PRMT6: variants seen among roughly 807,000 people sequenced by gnomAD.
PRMT6 encodes the protein protein arginine N-methyltransferase 6.
In PRMT6, 23 loss-of-function variants were observed where a neutral mutation model predicts 30.5. That is an observed-to-expected ratio of 0.75 (90% confidence interval 0.54 to 1.07). The LOEUF (loss-of-function observed/expected upper bound fraction) is 1.07, where lower values mean the gene tolerates loss of function less well. Ranked by LOEUF, PRMT6 falls within the 50% of genes least tolerant of loss-of-function variation. The pLI is 0.00. For synonymous variants in PRMT6, 265 were observed against 228.0 expected, an observed-to-expected ratio of 1.16 and a Z score of -1.46; for missense variants, 528 against 514.3, an observed-to-expected ratio of 1.03 and a Z score of -0.26.
Position 107,057,974 on chromosome 1 carries a change from T to C in PRMT6, c.*131T>C, listed in dbSNP as rs1651771026. 1 of 1,220,424 alleles carries C rather than the reference T, an allele frequency of 8.2e-7. No homozygotes were observed. Among genetic ancestry groups the C allele is most frequent in the Non-Finnish European group, 1.2e-6 (1 of 856,222 alleles). The allele number at this position is 1,220,424 out of a possible 1,614,324, so 75.6% of individuals were successfully genotyped here. On this transcript the variant is annotated 3_prime_UTR_variant, in exon 1 of 1. Coordinates refer to ENST00000370078, the MANE Select transcript of PRMT6 (RefSeq NM_018137.3). ...TATCTCCCCCTTTTCCCTCATAGCC[T>C]CTAGGGAGGGAGAGTGACTTCATTC... is the stretch of plus-strand genomic sequence containing the variant.
chr1:107,057,480 G>A lies in PRMT6; in HGVS notation c.765G>A (p.Gln255=), dbSNP rs763384703. 5.6e-6 allele frequency: 9 copies of A among 1,613,178 alleles called. No homozygotes were observed. Among genetic ancestry groups the A allele is most frequent in the Non-Finnish European group, 7.6e-6 (9 of 1,179,688 alleles). The change falls in exon 1 of 1, where the codon CAG becomes CAA. Residue 255 remains glutamine, a synonymous_variant. Transcript: ENST00000370078. ...TGGCCCGGCCGCAGCGCTTTGCTCAGCTAGAGCTCTCCCGCGCCGGCTTGG... is the reference window on the plus strand; with the variant it reads ...TGGCCCGGCCGCAGCGCTTTGCTCAACTAGAGCTCTCCCGCGCCGGCTTGG... ...DVLARPQRFA[Q]LELSRAGLEQ...
At position 107,057,443 on chromosome 1, in the gene PRMT6, G is replaced by T. The variant is rs367705333; in HGVS notation, c.728G>T (p.Gly243Val). 15 of 1,613,250 alleles carry T rather than the reference G, an allele frequency of 9.3e-6. No homozygotes were observed. Among genetic ancestry groups the T allele is most frequent in the African/African-American group, 2.7e-5 (2 of 74,942 alleles). Residue 243 changes from glycine to valine, a missense_variant, in exon 1 of 1, where the codon GGC becomes GTC. Gly to Val is a moderately radical substitution (Grantham distance 109). Coordinates refer to ENST00000370078, the MANE Select transcript of PRMT6 (RefSeq NM_018137.3). ...HSEIVVQGLS[G>V]EDVLARPQRF... ...GAGATCGTTGTGCAGGGATTGTCCG[G>T]CGAGGACGTGCTGGCCCGGCCGCAG...
chr1:107,057,971 G>T lies in PRMT6; in HGVS notation c.*128G>T. ...GAATATCTCCCCCTTTTCCCTCATAGCCTCTAGGGAGGGAGAGTGACTTCA... is the reference window on the plus strand; with the variant it reads ...GAATATCTCCCCCTTTTCCCTCATATCCTCTAGGGAGGGAGAGTGACTTCA... On this transcript the variant is annotated 3_prime_UTR_variant, in exon 1 of 1. Transcript: ENST00000370078. The T allele has an allele frequency of 7.9e-7, 1 of 1,263,398 alleles. No homozygotes were observed. The highest frequency in any genetic ancestry group is 1.1e-6 in the Non-Finnish European group (1 of 893,340). 78.3% of individuals were successfully genotyped at this position (1,263,398 alleles called of 1,614,324 possible).
rs1651771450 is a variant in PRMT6, at chr1:107,057,991, A to C, written c.*148A>C. 8 of 1,044,588 alleles carry C rather than the reference A, an allele frequency of 7.7e-6. No individual in the cohort carries two copies. The highest frequency in any genetic ancestry group is 4.8e-5 in the Admixed American group (2 of 41,344). 64.7% of individuals were successfully genotyped at this position (1,044,588 alleles called of 1,614,324 possible). A position where few individuals can be genotyped will look rare whatever the true frequency, so the allele number is the denominator to read the frequency against. ...TCATAGCCTCTAGGGAGGGAGAGTG[A>C]CTTCATTCTCCATTTGAAGAGATTC... On this transcript the variant is annotated 3_prime_UTR_variant, in exon 1 of 1. Coordinates refer to ENST00000370078, the MANE Select transcript of PRMT6 (RefSeq NM_018137.3).
In PRMT6 at chr1:107,057,299, C is replaced by T; in HGVS notation, c.584C>T (p.Pro195Leu). The change falls in exon 1 of 1, where the codon CCC becomes CTC. Residue 195 changes from proline to leucine, a missense_variant. By Grantham distance (98) the Pro-to-Leu change is moderately conservative (BLOSUM62 -3). Coordinates refer to ENST00000370078, the MANE Select transcript of PRMT6 (RefSeq NM_018137.3). Reference sequence around the variant, plus strand: ...GCCTCCGCCGAGCTCTTCATAGCCCCCATCAGCGACCAGATGCTGGAATGG... The same window carrying T: ...GCCTCCGCCGAGCTCTTCATAGCCCTCATCAGCGACCAGATGCTGGAATGG... The part of the protein sequence containing the change: ...LPASAELFIA[P>L]ISDQMLEWRL... 6.2e-7 allele frequency: 1 copy of T among 1,614,058 alleles called. No homozygotes were observed. The highest frequency in any genetic ancestry group is 8.5e-7 in the Non-Finnish European group (1 of 1,180,046).
chr1:107,056,724 G>A lies in PRMT6; in HGVS notation c.9G>A (p.Gln3=). 1.3e-6 allele frequency: 2 copies of A among 1,522,032 alleles called. No homozygotes were observed. The highest frequency in any genetic ancestry group is 1.8e-6 in the Non-Finnish European group (2 of 1,132,548). The allele number at this position is 1,522,032 out of a possible 1,614,324, so 94.3% of individuals were successfully genotyped here. A position where few individuals can be genotyped will look rare whatever the true frequency, so the allele number is the denominator to read the frequency against. Residue 3 remains glutamine (Q), a synonymous_variant, in exon 1 of 1, where the codon CAG becomes CAA. Transcript: ENST00000370078. The part of the protein sequence containing the change: MS[Q]PKKRKLESGG... ...CGGGCAGAGCGGCCAAGATGTCGCA[G>A]CCCAAGAAAAGAAAGCTTGAGTCGG... is the stretch of plus-strand genomic sequence containing the variant.
In PRMT6 at chr1:107,057,475, G is replaced by A. The variant is rs1557731508; in HGVS notation, c.760G>A (p.Ala254Thr). The change falls in exon 1 of 1, where the codon GCT becomes ACT. Residue 254 changes from alanine to threonine, a missense_variant. Coordinates refer to ENST00000370078, the MANE Select transcript of PRMT6 (RefSeq NM_018137.3). The part of the protein sequence containing the change: ...EDVLARPQRF[A>T]QLELSRAGLE... ...CGTGCTGGCCCGGCCGCAGCGCTTT[G>A]CTCAGCTAGAGCTCTCCCGCGCCGG... 1 of 1,612,804 alleles carries A rather than the reference G, an allele frequency of 6.2e-7. No individual in the cohort carries two copies. Among genetic ancestry groups the A allele is most frequent in the Non-Finnish European group, 8.5e-7 (1 of 1,179,408 alleles).
Position 107,057,117 on chromosome 1 carries a change from C to A in PRMT6, c.402C>A (p.His134Gln). ...VRFNGLEDRV[H>Q]VLPGPVETVE... ...TCAACGGGCTGGAGGACCGGGTGCA[C>A]GTCCTGCCGGGACCAGTGGAGACTG... Residue 134 changes from histidine to glutamine, a missense_variant, in exon 1 of 1, where the codon CAC (histidine) becomes CAA (glutamine). His to Gln is a conservative substitution (Grantham distance 24, BLOSUM62 0). Transcript: ENST00000370078. 1 of 1,607,150 alleles carries A rather than the reference C, an allele frequency of 6.2e-7. No homozygotes were observed. The highest frequency in any genetic ancestry group is 2.2e-5 in the East Asian group (1 of 44,864).
chr1:107,056,770 G>C lies in PRMT6; in HGVS notation c.55G>C (p.Glu19Gln). ...GTCGGGGGGCGGCGGCGAAGGAGGG[G>C]AGGGAACTGAAGAGGAAGATGGCGC... ...LESGGGGEGG[E>Q]GTEEEDGAER... Residue 19 changes from glutamate (E) to glutamine (Q), a missense_variant, in exon 1 of 1, where the codon GAG (glutamate) becomes CAG (glutamine). Physicochemically the swap from Glu to Gln is conservative, Grantham distance 29 (BLOSUM62 2). Coordinates refer to ENST00000370078, the MANE Select transcript of PRMT6 (RefSeq NM_018137.3). The C allele has an allele frequency of 1.9e-6, 3 of 1,555,586 alleles. No individual in the cohort carries two copies. The highest frequency in any genetic ancestry group is 2.6e-6 in the Non-Finnish European group (3 of 1,149,736).
Position 107,056,770 on chromosome 1 carries a change from G to A in PRMT6, c.55G>A (p.Glu19Lys), listed in dbSNP as rs757185583. 7.1e-6 allele frequency: 11 copies of A among 1,555,468 alleles called. No individual in the cohort carries two copies. The South Asian group carries it at 1.2e-4, about 17-fold the overall frequency. Reference sequence around the variant, plus strand: ...GTCGGGGGGCGGCGGCGAAGGAGGGGAGGGAACTGAAGAGGAAGATGGCGC... The same window carrying A: ...GTCGGGGGGCGGCGGCGAAGGAGGGAAGGGAACTGAAGAGGAAGATGGCGC... ...LESGGGGEGG[E>K]GTEEEDGAER... Residue 19 changes from glutamate (E) to lysine (K), a missense_variant, in exon 1 of 1, where the codon GAG becomes AAG. Glu to Lys is a moderately conservative substitution (Grantham distance 56). Transcript: ENST00000370078.
At position 107,056,678 on chromosome 1, in the gene PRMT6, C is replaced by G. The variant is rs968712476; in HGVS notation, c.-38C>G. 7 of 1,460,218 alleles carry G rather than the reference C, an allele frequency of 4.8e-6. No homozygotes were observed. The highest frequency in any genetic ancestry group is 2.7e-5 in the Admixed American group (1 of 36,806). The allele number at this position is 1,460,218 out of a possible 1,614,324, so 90.5% of individuals were successfully genotyped here. ...CCGTTTCCTGGAGCCCGCGCCGTGC[C>G]GCGCTACGCCCGCCGGGAGCCGGGC... On this transcript the variant is annotated 5_prime_UTR_variant, in exon 1 of 1. Coordinates refer to ENST00000370078, the MANE Select transcript of PRMT6 (RefSeq NM_018137.3).
At position 107,057,682 on chromosome 1, in the gene PRMT6, C is replaced by G; in HGVS notation, c.967C>G (p.Leu323Val). The G allele has an allele frequency of 6.2e-7, 1 of 1,614,270 alleles. No homozygotes were observed. Among genetic ancestry groups the G allele is most frequent in the Non-Finnish European group, 8.5e-7 (1 of 1,180,052 alleles). Reference sequence around the variant, plus strand: ...GGCCACTCACTGGAAACAGGCGCTCCTCTACCTGAACGAGCCGGTGCAAGT... The same window carrying G: ...GGCCACTCACTGGAAACAGGCGCTCGTCTACCTGAACGAGCCGGTGCAAGT... ...HPATHWKQAL[L>V]YLNEPVQVEQ... Residue 323 changes from leucine to valine, a missense_variant, in exon 1 of 1, where the codon CTC becomes GTC. Coordinates refer to ENST00000370078, the MANE Select transcript of PRMT6 (RefSeq NM_018137.3).
Position 107,057,959 on chromosome 1 carries a change from T to C in PRMT6, c.*116T>C. On this transcript the variant is annotated 3_prime_UTR_variant, in exon 1 of 1. Transcript: ENST00000370078. ...TGCAAGTAGGGGGAATATCTCCCCC[T>C]TTTCCCTCATAGCCTCTAGGGAGGG... 2.2e-6 allele frequency: 3 copies of C among 1,346,672 alleles called. No individual in the cohort carries two copies. The highest frequency in any genetic ancestry group is 1.3e-5 in the South Asian group (1 of 77,900). 83.4% of individuals were successfully genotyped at this position (1,346,672 alleles called of 1,614,324 possible).
In PRMT6 at chr1:107,057,532, G is replaced by A. The variant is rs1191122971; in HGVS notation, c.817G>A (p.Gly273Arg). Reference sequence around the variant, plus strand: ...GCAGGAGCTGGAGGCCGGAGTGGGCGGGCGCTTCCGCTGCAGCTGCTATGG... The same window carrying A: ...GCAGGAGCTGGAGGCCGGAGTGGGCAGGCGCTTCCGCTGCAGCTGCTATGG... The part of the protein sequence containing the change: ...LEQELEAGVG[G>R]RFRCSCYGSA... The change falls in exon 1 of 1, where the codon GGG (glycine) becomes AGG (arginine). Residue 273 changes from glycine to arginine, a missense_variant. Physicochemically the swap from Gly to Arg is moderately radical, Grantham distance 125. Transcript: ENST00000370078. 6.2e-7 allele frequency: 1 copy of A among 1,613,524 alleles called. No individual in the cohort carries two copies. The highest frequency in any genetic ancestry group is 8.5e-7 in the Non-Finnish European group (1 of 1,179,864).
In PRMT6 at chr1:107,057,126, G is replaced by A. The variant is rs531778837; in HGVS notation, c.411G>A (p.Pro137=). ...TGGAGGACCGGGTGCACGTCCTGCC[G>A]GGACCAGTGGAGACTGTAGAGTTGC... ...NGLEDRVHVL[P]GPVETVELPE... Residue 137 remains proline (P), a synonymous_variant, in exon 1 of 1, where the codon CCG becomes CCA. Coordinates refer to ENST00000370078, the MANE Select transcript of PRMT6 (RefSeq NM_018137.3). 4.4e-6 allele frequency: 7 copies of A among 1,607,238 alleles called. No homozygotes were observed. The Admixed American group carries it at 8.3e-5, about 19-fold the overall frequency.
chr1:107,057,731 G>A lies in PRMT6; in HGVS notation c.1016G>A (p.Gly339Glu). The A allele has an allele frequency of 6.2e-7, 1 of 1,614,238 alleles. No homozygotes were observed. Among genetic ancestry groups the A allele is most frequent in the Non-Finnish European group, 8.5e-7 (1 of 1,180,032 alleles). Residue 339 changes from glycine to glutamate, a missense_variant, in exon 1 of 1, where the codon GGA (glycine) becomes GAA (glutamate). Transcript: ENST00000370078. ...GTGGAGCAAGACACGGACGTTTCAG[G>A]AGAGATCACGCTGCTGCCCTCCCGG... Reference protein sequence around the residue: ...VQVEQDTDVSGEITLLPSRDN... With the variant: ...VQVEQDTDVSEEITLLPSRDN...
chr1:107,057,196 C>T lies in PRMT6; in HGVS notation c.481C>T (p.Leu161Phe). ...CGTGAGCGAGTGGATGGGCTACGGA[C>T]TCCTGCACGAGTCCATGCTGAGCTC... ...AIVSEWMGYG[L>F]LHESMLSSVL... The change falls in exon 1 of 1, where the codon CTC becomes TTC. Residue 161 changes from leucine to phenylalanine, a missense_variant. By Grantham distance (22) the Leu-to-Phe change is conservative. Transcript: ENST00000370078. The T allele has an allele frequency of 6.2e-7, 1 of 1,612,608 alleles. No individual in the cohort carries two copies.
chr1:107,057,161 T>C lies in PRMT6; in HGVS notation c.446T>C (p.Val149Ala). 6.2e-7 allele frequency: 1 copy of C among 1,608,884 alleles called. No individual in the cohort carries two copies. The highest frequency in any genetic ancestry group is 8.5e-7 in the Non-Finnish European group (1 of 1,179,952). Residue 149 changes from valine (V) to alanine (A), a missense_variant, in exon 1 of 1, where the codon GTG (valine) becomes GCG (alanine). Transcript: ENST00000370078. The stretch of plus-strand genomic sequence containing the variant: ...GAGACTGTAGAGTTGCCGGAACAGG[T>C]GGATGCCATCGTGAGCGAGTGGATG... ...PVETVELPEQVDAIVSEWMGY... is the reference protein window; with the variant it reads ...PVETVELPEQADAIVSEWMGY...
At position 107,058,079 on chromosome 1, in the gene PRMT6, G is replaced by A; in HGVS notation, c.*236G>A. 1.6e-6 allele frequency: 1 copy of A among 609,132 alleles called. No homozygotes were observed. The highest frequency in any genetic ancestry group is 2.9e-6 in the Non-Finnish European group (1 of 340,784). The allele number at this position is 609,132 out of a possible 1,614,324, so 37.7% of individuals were successfully genotyped here. A position where few individuals can be genotyped will look rare whatever the true frequency, so the allele number is the denominator to read the frequency against. On this transcript the variant is annotated 3_prime_UTR_variant, in exon 1 of 1. Transcript: ENST00000370078. ...CAACGGATACAGCGTGCTTATTATT[G>A]GGCATTTAGCCTCAAAAGCATGTAG...
Sources: gnomAD v4.1 joint callset for allele counts on GRCh38, gnomAD v4.1.1 for gene constraint, MANE v1.5 for transcripts, NCBI Gene and HGNC (gene_info 2026-07-23, HGNC 2026-07-21) for gene names.